DNMT3A: variants seen among roughly 807,000 people sequenced by gnomAD.
DNMT3A encodes DNA methyltransferase 3 alpha, also known as DNA (cytosine-5)-methyltransferase 3A.
DNMT3A carries 267 observed loss-of-function variants against 117.6 expected under a neutral mutation model. The ratio of observed to expected loss-of-function variants is 2.27; its 90% CI spans 2.05 to 2.51. DNMT3A has a LOEUF of 2.51. Ranked by LOEUF, DNMT3A falls within the 30% of genes most tolerant of loss-of-function variation. The probability of loss-of-function intolerance (pLI) is 0.00; values close to 1 mark genes in which losing one functional copy is unlikely to be tolerated. For synonymous variants in DNMT3A, 432 were observed against 474.8 expected (o/e 0.91, Z 1.17); for missense variants, 1,029 against 1,260.2 (o/e 0.82, Z 2.78).
chr2:25,291,212 C>A (rs1254141917), intron 3 of DNMT3A, among the ~76,000 whole-genome samples: 1 of 152,256 alleles, frequency 6.6e-6, no homozygotes, highest in African/African-American at 2.4e-5. Context: ...CCTCAACCAG[C>A]CTGAATTTTT....
At chr2:25,303,949 T>C (rs934590652) in intron 2 of DNMT3A, among the ~76,000 whole-genome samples, 3 of 152,204 alleles carry the variant, frequency 2.0e-5, no homozygotes, top group African/African-American at 7.2e-5. Flanking sequence ...TGCTGATGGG[T>C]TGAGCAAAGG....
intron 3 of DNMT3A, among the ~76,000 whole-genome samples, chr2:25,292,367 CAAAAACA>C (rs1215389430): frequency 2.8e-4 from 14 of 50,598 alleles, no homozygotes; most frequent in African/African-American, 1.2e-3. Flanking sequence ...AAAACAAAAA[CAAAAACA>C]AAAAAAGCCA....
intron 6 of DNMT3A, among the ~76,000 whole-genome samples, chr2:25,253,223 CG>C (rs759502439): frequency 1.3e-5 from 2 of 152,124 alleles, no homozygotes; most frequent in Non-Finnish European, 2.9e-5. Context: ...CCAAGGCAGA[CG>C]CAGTCCCCAC....
rs974957290 is a variant in DNMT3A, at chr2:25,314,021, T to TG, written c.-38dup. ...GAGGCAGGCTGGGGCTGCGCGGGGC[T>TG]GGGGGGCTGCTGGGCTTTGGGGAAG... On this transcript the variant is annotated 5_prime_UTR_variant, in exon 2 of 23. Coordinates refer to ENST00000321117, the MANE Select transcript of DNMT3A (RefSeq NM_022552.5). 5.3e-6 allele frequency: 8 copies of TG among 1,504,288 alleles called. No homozygotes were observed. The highest frequency in any genetic ancestry group is 7.1e-6 in the Non-Finnish European group (8 of 1,126,746). 93.2% of individuals were successfully genotyped at this position (1,504,288 alleles called of 1,614,324 possible).
rs974302872 is a variant in DNMT3A at position 25,252,635 on chromosome 2, G to A, written c.640-4383C>T. Reference sequence around the variant, plus strand: ...TAGCGCGGGGCCGGGGGGCCGGGAGGGGAGGGAAGGGGCTGCTCCCGAGCC... The same window carrying A: ...TAGCGCGGGGCCGGGGGGCCGGGAGAGGAGGGAAGGGGCTGCTCCCGAGCC... On this transcript the variant is annotated intron_variant, in intron 6 of 22. Coordinates refer to ENST00000321117, the MANE Select transcript of DNMT3A (RefSeq NM_022552.5). The surrounding 1 kb of genome is among the most constrained non-coding windows in gnomAD (Gnocchi z 5.5). Among the ~76,000 whole-genome samples, 1 of 152,134 alleles carries A rather than the reference G, an allele frequency of 6.6e-6. No individual in the cohort carries two copies. Among genetic ancestry groups the A allele is most frequent in the Non-Finnish European group, 1.5e-5 (1 of 68,000 alleles).
Position 25,248,132 on chromosome 2 carries a change from C to CG in DNMT3A, c.759dup (p.Ala254ArgfsTer10). On this transcript the variant is annotated frameshift_variant, in exon 7 of 23. Transcript: ENST00000321117. LOFTEE classifies it high-confidence loss of function. ...GGCGTGGTAGCCACAGTGGGGGATG[C>CG]GGGGTCAGTGGGCTGCTGCACAGCA... 6.2e-7 allele frequency: 1 copy of CG among 1,613,506 alleles called. No individual in the cohort carries two copies. Among genetic ancestry groups the CG allele is most frequent in the Non-Finnish European group, 8.5e-7 (1 of 1,179,898 alleles).
chr2:25,302,704 A>G (rs1305910268), intron 2 of DNMT3A, among the ~76,000 whole-genome samples: 1 of 152,166 alleles, frequency 6.6e-6, no homozygotes, highest in African/African-American at 2.4e-5. Context: ...GTAAGAAAGG[A>G]TCACACAGAG....
chr2:25,306,018 C>G lies in DNMT3A; in HGVS notation c.73-5775G>C, dbSNP rs2033764698. On this transcript the variant is annotated intron_variant, in intron 2 of 22. Transcript: ENST00000321117. This position sits in a 1 kb window ranked among gnomAD's most constrained non-coding sequence, Gnocchi z 4.1. ...CGGGCCCCCTGGGACAAGAAGCATG[C>G]CCAGCCTTTGCCAGCTGGCTGGCTG... 6.6e-6 allele frequency among the ~76,000 whole-genome samples: 1 copy of G among 152,240 alleles called. No homozygotes were observed. Among genetic ancestry groups the G allele is most frequent in the Non-Finnish European group, 1.5e-5 (1 of 68,034 alleles).
chr2:25,300,840 T>C (rs1475937415), intron 2 of DNMT3A, among the ~76,000 whole-genome samples: 4 of 139,612 alleles, frequency 2.9e-5, no homozygotes, highest in Non-Finnish European at 6.2e-5. Flanking sequence ...TCTCTCTTTA[T>C]GACCACATTT....
intron 1 of DNMT3A, among the ~76,000 whole-genome samples, chr2:25,326,156 T>TG (rs1239326619): frequency 7.3e-6 from 1 of 136,062 alleles, no homozygotes; most frequent in African/African-American, 2.9e-5. Context: ...GTGTGTGGTG[T>TG]GTTTGCAATA....
rs373623334 is a variant in DNMT3A, at chr2:25,258,363, A to T, written c.640-10111T>A. Among the ~76,000 whole-genome samples, 438 of 152,302 alleles carry T rather than the reference A, an allele frequency of 2.9e-3. 4 individuals are homozygous for T. Among genetic ancestry groups the T allele is most frequent in the African/African-American group, 0.01 (417 of 41,558 alleles). Reference sequence around the variant, plus strand: ...TGCTGTCGGGCAGGGGCACCCCCCTAACCCCTGCACTGAGCAGTCTGGTTT... The same window carrying T: ...TGCTGTCGGGCAGGGGCACCCCCCTTACCCCTGCACTGAGCAGTCTGGTTT... On this transcript the variant is annotated intron_variant, in intron 6 of 22. Transcript: ENST00000321117.
At chr2:25,268,851 C>T (rs1203383163) in intron 6 of DNMT3A, among the ~76,000 whole-genome samples, 1 of 152,190 alleles carries the variant, frequency 6.6e-6, no homozygotes, top group Non-Finnish European at 1.5e-5. Context: ...ATCTCATGTT[C>T]CCAGAGAAGT....
At position 25,229,375 on chromosome 2, in the gene DNMT3A, C is replaced by A. The variant is rs150837902; in HGVS notation, c.*4904G>T. 1 of 152,256 alleles carries A rather than the reference C, an allele frequency of 6.6e-6. No individual in the cohort carries two copies. The highest frequency in any genetic ancestry group is 1.5e-5 in the Non-Finnish European group (1 of 68,068). The allele number at this position is 152,256 out of a possible 1,614,324, so 9.4% of individuals were successfully genotyped here. A position where few individuals can be genotyped will look rare whatever the true frequency, so the allele number is the denominator to read the frequency against. ...GCTCCAGACCATTCCTCCACTACAC[C>A]TTTTCCACCCCCGGGATTGGGAGCG... On this transcript the variant is annotated 3_prime_UTR_variant, in exon 23 of 23. Transcript: ENST00000321117.
In DNMT3A at chr2:25,247,759, C is replaced by T. The variant is rs913561874; in HGVS notation, c.856-10G>A. On this transcript the variant is annotated splice_polypyrimidine_tract_variant and intron_variant, in intron 7 of 22. Coordinates refer to ENST00000321117, the MANE Select transcript of DNMT3A (RefSeq NM_022552.5). The surrounding 1 kb of genome is among the most constrained non-coding windows in gnomAD (Gnocchi z 5.6). ...CAAAGCCCCGGCCGTCCTGGAGCCC[C>T]AAGGAGCAGAAATCATTACACAGTG... is the stretch of plus-strand genomic sequence containing the variant. The T allele has an allele frequency of 3.7e-6, 6 of 1,610,910 alleles. No individual in the cohort carries two copies. Among genetic ancestry groups the T allele is most frequent in the Admixed American group, 3.3e-5 (2 of 59,976 alleles).
At chr2:25,277,168 G>A (rs549627980) in intron 4 of DNMT3A, among the ~76,000 whole-genome samples, 294 of 152,268 alleles carry the variant, frequency 1.9e-3, no homozygotes, top group African/African-American at 6.8e-3. Context: ...GCGTGGGCGG[G>A]CGCGCACTCG....
At chr2:25,316,656 C>A (rs1045147643) in intron 1 of DNMT3A, among the ~76,000 whole-genome samples, 31 of 152,322 alleles carry the variant, frequency 2.0e-4, no homozygotes, top group African/African-American at 7.5e-4. Flanking sequence ...GGAGTGGGCT[C>A]TCCTGGGCCC....
In DNMT3A at chr2:25,245,288, G is replaced by GGT. The variant is rs1674611383; in HGVS notation, c.1517_1518dup (p.Pro507ThrfsTer145). 6.2e-7 allele frequency: 1 copy of GGT among 1,613,838 alleles called. No individual in the cohort carries two copies. The highest frequency in any genetic ancestry group is 8.5e-7 in the Non-Finnish European group (1 of 1,180,004). On this transcript the variant is annotated frameshift_variant, in exon 13 of 23. Coordinates refer to ENST00000321117, the MANE Select transcript of DNMT3A (RefSeq NM_022552.5). LOFTEE classifies it high-confidence loss of function. Reference sequence around the variant, plus strand: ...TGGCACATTCCTCCAACGAAGAGGGGGTGTTCCAGGGTAACATTGAGGCTC... The same window carrying GGT: ...TGGCACATTCCTCCAACGAAGAGGGGGTGTGTTCCAGGGTAACATTGAGGCTC...
At chr2:25,300,707 AATATAATATATAT>A (rs1256457947) in intron 2 of DNMT3A, among the ~76,000 whole-genome samples, 12 of 57,860 alleles carry the variant, frequency 2.1e-4, no homozygotes, top group East Asian at 7.2e-4. Flanking sequence ...ATATCTAAAT[AATATAATATATAT>A]ATATATATAT....
chr2:25,318,441 C>T (rs1430029857), intron 1 of DNMT3A, among the ~76,000 whole-genome samples: 1 of 152,070 alleles, frequency 6.6e-6, no homozygotes, highest in East Asian at 1.9e-4. Flanking sequence ...CGCCCGTCAC[C>T]ACTCCCGGCT....
Sources: allele counts gnomAD v4.1 joint callset (sites outside exome capture counted in the v4.1 genomes callset), GRCh38; gene constraint gnomAD v4.1.1; non-coding constraint Gnocchi (gnomAD v3.1); transcripts MANE v1.5; gene names NCBI Gene and HGNC (gene_info 2026-07-23, HGNC 2026-07-21).